Variants in LMBR1 observed in about 807,000 individuals in gnomAD.
LMBR1 encodes limb development membrane protein 1, also known as limb region 1 protein homolog.
In LMBR1, 52 loss-of-function variants were observed where a neutral mutation model predicts 73.9. The ratio of observed to expected loss-of-function variants is 0.70; its 90% confidence interval spans 0.56 to 0.89. The LOEUF (loss-of-function observed/expected upper bound fraction) is 0.89. Among genes scored for constraint, LMBR1 ranks in the 40% least tolerant of loss-of-function variants. The pLI is 0.00. For missense variants in LMBR1, 539 were observed against 579.8 expected, an observed-to-expected ratio of 0.93 and a Z score of 0.72; for synonymous variants, 215 against 209.4, an observed-to-expected ratio of 1.03 and a Z score of -0.23.
At chr7:156,855,382 C>T (rs897598816) in intron 1 of LMBR1, among the ~76,000 whole-genome samples, 1 of 152,076 alleles carries the variant, frequency 6.6e-6, no homozygotes, top group Non-Finnish European at 1.5e-5. Context: ...TTCCCCTCTC[C>T]CCATCTCTTA....
Position 156,828,225 on chromosome 7 carries a change from C to T in LMBR1, c.180-1481G>A, listed in dbSNP as rs902669605. ...CATACACTTAGACTTACCTAACCCC[C>T]TCATAGCCCAAACATGAAATGGATT... is the stretch of plus-strand genomic sequence containing the variant. On this transcript the variant is annotated intron_variant, in intron 3 of 16. Coordinates refer to ENST00000353442, the MANE Select transcript of LMBR1 (RefSeq NM_022458.4). Among the ~76,000 whole-genome samples, 87 of 152,300 alleles carry T rather than the reference C, an allele frequency of 5.7e-4. 1 individual carries two copies. The highest frequency in any genetic ancestry group is 2.0e-3 in the African/African-American group (83 of 41,562).
Position 156,670,819 on chromosome 7 carries a change from G to A in LMBR1, n.867-1532C>T, listed in dbSNP as rs946707306. On this transcript the variant is annotated intron_variant and non_coding_transcript_variant, in intron 4 of 4. Transcript: ENST00000430825. The surrounding 1 kb of genome is among the most constrained non-coding windows in gnomAD (Gnocchi z 4.3). ...AAAAGTGTGCCACTAGAACGTCTTC[G>A]TTAAAGGAAATTCTAAAGGATGCCT... 1.4e-4 allele frequency among the ~76,000 whole-genome samples: 22 copies of A among 152,216 alleles called. No individual in the cohort carries two copies. The highest frequency in any genetic ancestry group is 4.8e-4 in the African/African-American group (20 of 41,448).
chr7:156,755,444 C>T (rs541685466), intron 9 of LMBR1, among the ~76,000 whole-genome samples: 1 of 152,210 alleles, frequency 6.6e-6, no homozygotes, highest in Non-Finnish European at 1.5e-5. Flanking sequence ...ATCTGTGAAA[C>T]AGAAATGGTG....
At chr7:156,724,774 G>C (rs1345019019) in intron 14 of LMBR1, among the ~76,000 whole-genome samples, 1 of 142,810 alleles carries the variant, frequency 7.0e-6, no homozygotes, top group South Asian at 2.1e-4. Context: ...CTGTGTGTGT[G>C]TGTGTGTGTG....
chr7:156,882,770 C>T (rs1283359350), intron 1 of LMBR1, among the ~76,000 whole-genome samples: 3 of 152,222 alleles, frequency 2.0e-5, no homozygotes, highest in East Asian at 1.9e-4. Flanking sequence ...CAGTGGCTCA[C>T]GCCTGTAATC....
At chr7:156,825,506 G>A (rs902131082) in intron 4 of LMBR1, among the ~76,000 whole-genome samples, 74 of 152,204 alleles carry the variant, frequency 4.9e-4, no homozygotes, top group African/African-American at 1.7e-3. Flanking sequence ...TGAGTCTTTT[G>A]CATTGCATGC....
chr7:156,893,000 T>A lies in LMBR1; in HGVS notation c.-7A>T. The A allele has an allele frequency of 6.6e-7, 1 of 1,521,120 alleles. No homozygotes were observed. The highest frequency in any genetic ancestry group is 1.2e-5 in the South Asian group (1 of 82,072). 94.2% of individuals were successfully genotyped at this position (1,521,120 alleles called of 1,614,324 possible). A position where few individuals can be genotyped will look rare whatever the true frequency, so the allele number is the denominator to read the frequency against. On this transcript the variant is annotated 5_prime_UTR_variant, in exon 1 of 17. It removes the in-frame stop codon of an upstream open reading frame in the 5' UTR. Transcript: ENST00000353442. The stretch of plus-strand genomic sequence containing the variant: ...CCTCGTCCTGCCCTTCCATCCTCCT[T>A]CATGCCCGCCGCCGCGCCGCCCGCG...
intron 1 of LMBR1, among the ~76,000 whole-genome samples, chr7:156,864,350 T>G (rs528908267): frequency 6.4e-4 from 97 of 152,314 alleles, no homozygotes; most frequent in Middle Eastern, 3.4e-3. Context: ...AACAGCAGCC[T>G]ATATGATAAT....
chr7:156,811,359 C>A (rs1178411581), intron 4 of LMBR1, among the ~76,000 whole-genome samples: 1 of 151,938 alleles, frequency 6.6e-6, no homozygotes, highest in East Asian at 2.0e-4. Flanking sequence ...CGCCTGTAAT[C>A]CCAGCACTTT....
chr7:156,882,372 G>T (rs1801224179), intron 1 of LMBR1, among the ~76,000 whole-genome samples: 1 of 152,176 alleles, frequency 6.6e-6, no homozygotes, highest in Non-Finnish European at 1.5e-5. Context: ...TTGAGCCCAG[G>T]AGGTCAAGGC....
intron 1 of LMBR1, among the ~76,000 whole-genome samples, chr7:156,859,329 G>A (rs935844783): frequency 7.9e-5 from 12 of 151,268 alleles, no homozygotes; most frequent in African/African-American, 1.7e-4. Context: ...CTCCTATTCC[G>A]TATCATACTG....
At chr7:156,875,948 G>A (rs1010343030) in intron 1 of LMBR1, among the ~76,000 whole-genome samples, 7 of 149,978 alleles carry the variant, frequency 4.7e-5, no homozygotes, top group South Asian at 4.2e-4. Flanking sequence ...CCAATAGCAC[G>A]ATGAATGGAA....
chr7:156,755,921 T>C (rs1052498475), intron 9 of LMBR1, among the ~76,000 whole-genome samples: 2 of 152,210 alleles, frequency 1.3e-5, no homozygotes, highest in African/African-American at 4.8e-5. Flanking sequence ...TACTCTTGAA[T>C]CATGATTCTG....
At chr7:156,676,852 T>G (rs1338234476), downstream of LMBR1, 3 of 567,016 alleles carry the variant, frequency 5.3e-6, no homozygotes, top group Non-Finnish European at 9.4e-6. Context: ...CTCTAAAAAG[T>G]AAATTTCAAA....
At chr7:156,769,986 C>T (rs1327744392) in intron 5 of LMBR1, among the ~76,000 whole-genome samples, 2 of 152,032 alleles carry the variant, frequency 1.3e-5, no homozygotes, top group African/African-American at 2.4e-5. Context: ...CCATGCAGAC[C>T]GCCTCTCCTG....
At chr7:156,716,592 G>C (rs1161133003) in intron 15 of LMBR1, among the ~76,000 whole-genome samples, 1 of 152,190 alleles carries the variant, frequency 6.6e-6, no homozygotes, top group Non-Finnish European at 1.5e-5. Flanking sequence ...GGTCTCCATG[G>C]TATGGCTCAG....
intron 1 of LMBR1, among the ~76,000 whole-genome samples, chr7:156,873,882 C>A (rs960419722): frequency 8.5e-5 from 13 of 152,264 alleles, no homozygotes; most frequent in Non-Finnish European, 1.5e-4. Flanking sequence ...TTTACAATCC[C>A]TGAGCTAGAC....
At chr7:156,796,055 G>A (rs2133374155) in intron 5 of LMBR1, among the ~76,000 whole-genome samples, 1 of 152,158 alleles carries the variant, frequency 6.6e-6, no homozygotes, top group South Asian at 2.1e-4. Flanking sequence ...AACAGAAAGG[G>A]GAGCCCATGG....
At chr7:156,739,968 G>T (rs529201567) in intron 9 of LMBR1, among the ~76,000 whole-genome samples, 5 of 152,072 alleles carry the variant, frequency 3.3e-5, no homozygotes, top group African/African-American at 4.8e-5. Flanking sequence ...ATTCAAAATG[G>T]CTGTTTTGAG....
Sources: allele counts gnomAD v4.1 joint callset (sites outside exome capture counted in the v4.1 genomes callset), GRCh38; gene constraint gnomAD v4.1.1; non-coding constraint Gnocchi (gnomAD v3.1); transcripts MANE v1.5; gene names NCBI Gene and HGNC (gene_info 2026-07-23, HGNC 2026-07-21).